Variants in MDM1 observed in about 807,000 individuals in gnomAD.
MDM1 encodes the protein Mdm1 nuclear protein.
In MDM1, 61 loss-of-function variants were observed where a neutral mutation model predicts 89.1. The ratio of observed to expected loss-of-function variants is 0.68; its 90% confidence interval spans 0.56 to 0.85. The LOEUF (loss-of-function observed/expected upper bound fraction) is 0.85, where lower values mean the gene tolerates loss of function less well. Among genes scored for constraint, MDM1 ranks in the 40% least tolerant of loss-of-function variants. The pLI is 0.00. For missense variants in MDM1, 820 were observed against 846.5 expected (o/e 0.97, Z 0.39); for synonymous variants, 290 against 294.1 (o/e 0.99, Z 0.14).
rs1871241048 is a variant in MDM1, at chr12:68,295,381, T to C, written c.2063-15A>G. On this transcript the variant is annotated splice_polypyrimidine_tract_variant and intron_variant, in intron 14 of 14. Transcript: ENST00000682720. ...TCTGTCCTCATCTGCAATGAAAAAATCCCGAGATTATATTCATTGCCAAAA... is the reference window on the plus strand; with the variant it reads ...TCTGTCCTCATCTGCAATGAAAAAACCCCGAGATTATATTCATTGCCAAAA... The C allele has an allele frequency of 6.5e-6, 10 of 1,535,920 alleles. No individual in the cohort carries two copies. Among genetic ancestry groups the C allele is most frequent in the Non-Finnish European group, 9.0e-6 (10 of 1,116,894 alleles).
In MDM1 at chr12:68,314,981, C is replaced by G. The variant is rs2306393; in HGVS notation, c.1496G>C (p.Arg499Pro). The G allele has an allele frequency of 6.2e-7, 1 of 1,613,468 alleles. No homozygotes were observed. Among genetic ancestry groups the G allele is most frequent in the African/African-American group, 1.3e-5 (1 of 74,852 alleles). Residue 499 changes from arginine (R) to proline (P), a missense_variant, in exon 10 of 15, where the codon CGT becomes CCT. By Grantham distance (103) the Arg-to-Pro change is moderately radical (BLOSUM62 -2). Transcript: ENST00000682720. The stretch of plus-strand genomic sequence containing the variant: ...CATCTTATCTGCCTTAGATTTCTCA[C>G]GTACATCCAACTTCTCTTGCTCTCC... ...FMGEQEKLDV[R>P]EKSKADKMKE... is the part of the protein sequence containing the mutation.
In MDM1 at chr12:68,326,701, G is replaced by T; in HGVS notation, c.454C>A (p.Leu152Met). The T allele has an allele frequency of 1.9e-6, 3 of 1,614,154 alleles. No homozygotes were observed. The highest frequency in any genetic ancestry group is 1.1e-5 in the South Asian group (1 of 91,078). ...NHTPVNENVE[L>M]EHSTKVLSEN... ...GAAAGAACCTTGGTAGAATGTTCCA[G>T]TTCCACATTTTCATTAACTGGTGTA... Residue 152 changes from leucine (L) to methionine (M), a missense_variant, in exon 3 of 15, where the codon CTG (leucine) becomes ATG (methionine). Leu to Met is a conservative substitution (Grantham distance 15). Transcript: ENST00000682720.
intron 12 of MDM1, among the ~76,000 whole-genome samples, chr12:68,303,980 G>A (rs1230633837): frequency 6.6e-6 from 1 of 152,210 alleles, no homozygotes; most frequent in East Asian, 1.9e-4. Flanking sequence ...GCTCATGCCT[G>A]TAATCCTAGC....
rs376324332 is a variant in MDM1, at chr12:68,316,241, G to A, written c.1048C>T (p.Arg350Ter). 1.2e-5 allele frequency: 20 copies of A among 1,612,776 alleles called. 1 individual carries two copies. Among genetic ancestry groups the A allele is most frequent in the South Asian group, 2.2e-5 (2 of 90,922 alleles). Residue 350 changes from arginine (R) to a stop codon, truncating the protein, a stop_gained, in exon 9 of 15, where the codon CGA (arginine) becomes TGA (stop). Coordinates refer to ENST00000682720, the MANE Select transcript of MDM1 (RefSeq NM_001354969.2). LOFTEE classifies it high-confidence loss of function. ...TTCCTATAAAACTCAGCCTTTTCTC[G>A]GAGTTCTTTAACCTATTCAGGAGAG... ...AMWYAEVKEL[R>*]EKAEFYRKRV...
chr12:68,313,196 G>GA (rs1263427321), intron 12 of MDM1, among the ~76,000 whole-genome samples: 1 of 152,160 alleles, frequency 6.6e-6, no homozygotes, highest in Non-Finnish European at 1.5e-5. Flanking sequence ...GATGCTCAAT[G>GA]AAAGTATTGC....
At chr12:68,296,570 G>A (rs997406863) in intron 14 of MDM1, among the ~76,000 whole-genome samples, 4 of 152,170 alleles carry the variant, frequency 2.6e-5, no homozygotes, top group Non-Finnish European at 5.9e-5. Flanking sequence ...TTTGACCATG[G>A]AAAATTGACA....
Position 68,313,761 on chromosome 12 carries a change from T to C in MDM1, c.1530-8A>G. The C allele has an allele frequency of 6.3e-7, 1 of 1,588,836 alleles. No individual in the cohort carries two copies. Among genetic ancestry groups the C allele is most frequent in the Non-Finnish European group, 8.6e-7 (1 of 1,157,674 alleles). ...GATACAGAAGAATCTGACCTATAAA[T>C]TGAAACAATCTATGAATCTATACAG... On this transcript the variant is annotated splice_polypyrimidine_tract_variant and splice_region_variant and intron_variant, in intron 10 of 14. Coordinates refer to ENST00000682720, the MANE Select transcript of MDM1 (RefSeq NM_001354969.2).
chr12:68,317,163 T>C (rs1472055524), intron 7 of MDM1, among the ~76,000 whole-genome samples: 2 of 152,144 alleles, frequency 1.3e-5, no homozygotes, highest in Admixed American at 6.5e-5. Flanking sequence ...ATATGAATTA[T>C]TTAATATGCA....
At chr12:68,307,512 A>G (rs1316000877) in intron 12 of MDM1, among the ~76,000 whole-genome samples, 6 of 152,146 alleles carry the variant, frequency 3.9e-5, no homozygotes, top group East Asian at 1.9e-4. Context: ...ATGGTGGCAC[A>G]TATCTGTGGT....
At chr12:68,318,916 C>T (rs1874850421) in intron 7 of MDM1, among the ~76,000 whole-genome samples, 1 of 150,880 alleles carries the variant, frequency 6.6e-6, no homozygotes, top group South Asian at 2.1e-4. Context: ...ACTCCTTTTA[C>T]CCAAAAACCA....
At chr12:68,304,281 A>C (rs1271045610) in intron 12 of MDM1, among the ~76,000 whole-genome samples, 4 of 152,308 alleles carry the variant, frequency 2.6e-5, no homozygotes, top group African/African-American at 7.2e-5. Flanking sequence ...ATTAAAAACA[A>C]AACAAGGCAA....
At chr12:68,302,219 T>C (rs946462736) in intron 13 of MDM1, among the ~76,000 whole-genome samples, 1 of 152,192 alleles carries the variant, frequency 6.6e-6, no homozygotes, top group Non-Finnish European at 1.5e-5. Flanking sequence ...ACATTAACGA[T>C]GGAAGCCAGA....
At chr12:68,325,235 G>C (rs1245286256) in intron 4 of MDM1, 16 of 1,173,548 alleles carry the variant, frequency 1.4e-5, no homozygotes, top group African/African-American at 3.2e-5. Context: ...TGGCAACAAT[G>C]ATCATCAGAA....
intron 13 of MDM1, among the ~76,000 whole-genome samples, chr12:68,299,335 T>C (rs1871838555): frequency 6.6e-6 from 1 of 151,988 alleles, no homozygotes; most frequent in Admixed American, 6.5e-5. Context: ...AGGTTGATGA[T>C]TAAGCTACTC....
At chr12:68,298,455 T>C (rs1301290323) in intron 13 of MDM1, among the ~76,000 whole-genome samples, 1 of 152,176 alleles carries the variant, frequency 6.6e-6, no homozygotes, top group Non-Finnish European at 1.5e-5. Context: ...ATGAAGGGTC[T>C]TGGAGAAGGG....
intron 5 of MDM1, 144 bp downstream of exon 5, chr12:68,322,929 G>A (rs1239402832): frequency 7.0e-6 from 5 of 713,774 alleles, no homozygotes; most frequent in African/African-American, 1.8e-5. Context: ...GCTCCTAGTA[G>A]CTGGCTCAAT....
rs927354939 is a variant in MDM1, at chr12:68,295,083, T to C, written c.*171A>G. On this transcript the variant is annotated 3_prime_UTR_variant, in exon 15 of 15. Coordinates refer to ENST00000682720, the MANE Select transcript of MDM1 (RefSeq NM_001354969.2). ...GATGTAAAAAGAATTCTTTAAAAGTTAAATTTGTATAAGCCTATGTTAACA... is the reference window on the plus strand; with the variant it reads ...GATGTAAAAAGAATTCTTTAAAAGTCAAATTTGTATAAGCCTATGTTAACA... 2.3e-6 allele frequency: 1 copy of C among 431,018 alleles called. No individual in the cohort carries two copies. The highest frequency in any genetic ancestry group is 2.0e-5 in the African/African-American group (1 of 48,852). 26.7% of individuals were successfully genotyped at this position (431,018 alleles called of 1,614,324 possible).
intron 2 of MDM1, among the ~76,000 whole-genome samples, chr12:68,328,507 T>C (rs1876333971): frequency 6.6e-6 from 1 of 152,216 alleles, no homozygotes; most frequent in Admixed American, 6.5e-5. Flanking sequence ...ATGTAAAATA[T>C]ATAAGCACTA....
At chr12:68,313,194 ATGAAAG>A (rs1428676343) in intron 12 of MDM1, among the ~76,000 whole-genome samples, 2 of 152,224 alleles carry the variant, frequency 1.3e-5, no homozygotes, top group African/African-American at 4.8e-5. Flanking sequence ...CAGATGCTCA[ATGAAAG>A]TATTGCTTTC....
Sources: allele counts gnomAD v4.1 joint callset (sites outside exome capture counted in the v4.1 genomes callset), GRCh38; gene constraint gnomAD v4.1.1; transcripts MANE v1.5; gene names NCBI Gene and HGNC (gene_info 2026-07-23, HGNC 2026-07-21).